The following PCDHGA2 variants were observed in gnomAD, a reference collection of about 807,000 sequenced individuals.
The protein encoded by PCDHGA2 is protocadherin gamma subfamily A, 2.
PCDHGA2 carries 40 observed loss-of-function variants against 59.2 expected under a neutral mutation model. That is an observed-to-expected ratio of 0.68 (90% CI 0.52 to 0.88). PCDHGA2 has a LOEUF of 0.88. Ranked by LOEUF, PCDHGA2 falls within the 40% of genes least tolerant of loss-of-function variation. The pLI is 0.00. For synonymous variants in PCDHGA2, 560 were observed against 526.0 expected (o/e 1.06, Z -0.89); for missense variants, 1,226 against 1,204.0 (o/e 1.02, Z -0.27).
intron 1 of PCDHGA2, among the ~76,000 whole-genome samples, chr5:141,467,296 A>T (rs1032802325): frequency 1.3e-5 from 2 of 151,740 alleles, no homozygotes; most frequent in South Asian, 4.2e-4. Flanking sequence ...CAAGTGATCC[A>T]CTCACCTCGG....
At chr5:141,449,021 C>T (rs897401758) in intron 1 of PCDHGA2, among the ~76,000 whole-genome samples, 3 of 152,104 alleles carry the variant, frequency 2.0e-5, no homozygotes, top group Non-Finnish European at 4.4e-5. Context: ...AGTTGCTTAG[C>T]ATTCCTTTGG....
Position 141,339,796 on chromosome 5 carries a change from T to C in PCDHGA2, c.825T>C (p.Ala275=). 18 of 1,614,128 alleles carry C rather than the reference T, an allele frequency of 1.1e-5. No individual in the cohort carries two copies. The highest frequency in any genetic ancestry group is 1.4e-5 in the Non-Finnish European group (17 of 1,180,020). ...TATDADEGYY[A]QVVYFLEKSP... ...CTGACGCAGATGAGGGCTACTACGC[T>C]CAAGTGGTATATTTTCTAGAGAAAA... The change falls in exon 1 of 4, where the codon GCT becomes GCC. Residue 275 remains alanine, a synonymous_variant. Coordinates refer to ENST00000394576, the MANE Select transcript of PCDHGA2 (RefSeq NM_018915.4).
intron 1 of PCDHGA2, among the ~76,000 whole-genome samples, chr5:141,347,255 G>A (rs1757941277): frequency 1.3e-5 from 2 of 151,576 alleles, no homozygotes; most frequent in African/African-American, 4.9e-5. Context: ...GCAGACTCAA[G>A]TGATCCTCCC....
At chr5:141,347,455 T>C (rs1561493886) in intron 1 of PCDHGA2, among the ~76,000 whole-genome samples, 1 of 152,040 alleles carries the variant, frequency 6.6e-6, no homozygotes, top group Admixed American at 6.6e-5. Flanking sequence ...ATGCCTGGCC[T>C]GTTATTCTTT....
At chr5:141,357,475 C>T in intron 1 of PCDHGA2, 2 of 1,614,236 alleles carry the variant, frequency 1.2e-6, no homozygotes, top group Non-Finnish European at 1.7e-6. Context: ...CGAGGTCTCC[C>T]TCACCGCGGA....
chr5:141,500,271 C>T (rs936454651), intron 2 of PCDHGA2, among the ~76,000 whole-genome samples: 3 of 151,598 alleles, frequency 2.0e-5, no homozygotes, highest in African/African-American at 7.3e-5. Flanking sequence ...TGCAGTGGCG[C>T]AATCTCGGCT....
At chr5:141,403,365 T>C in intron 1 of PCDHGA2, 1 of 1,614,024 alleles carries the variant, frequency 6.2e-7, no homozygotes, top group Non-Finnish European at 8.5e-7. Flanking sequence ...GCCGAAAGTC[T>C]GGAAGTAAAA....
intron 1 of PCDHGA2, chr5:141,399,287 C>A: frequency 6.2e-7 from 1 of 1,613,912 alleles, no homozygotes; most frequent in Non-Finnish European, 8.5e-7. Context: ...GGCGAAGTCC[C>A]TTTTAAGATT....
At chr5:141,413,065 T>A (rs2095601710) in intron 1 of PCDHGA2, 2 of 1,159,986 alleles carry the variant, frequency 1.7e-6, no homozygotes, top group African/African-American at 3.1e-5. Flanking sequence ...CTCCAGAATT[T>A]AAAGTGCCCA....
intron 1 of PCDHGA2, chr5:141,356,168 A>G: frequency 6.2e-7 from 1 of 1,613,078 alleles, no homozygotes; most frequent in Non-Finnish European, 8.5e-7. Context: ...GAAGCCCATG[A>G]TGGGCCTGGT....
chr5:141,357,514 C>T (rs563793307), intron 1 of PCDHGA2: 19 of 1,614,136 alleles, frequency 1.2e-5, no homozygotes, highest in Non-Finnish European at 1.6e-5. Flanking sequence ...GATCTTCTCC[C>T]AACCCAGCTA....
chr5:141,385,424 C>CT, intron 1 of PCDHGA2: 1 of 1,461,926 alleles, frequency 6.8e-7, no homozygotes, highest in Admixed American at 2.8e-5. Flanking sequence ...ATTTAAAAAA[C>CT]TTTATAGAGG....
chr5:141,347,188 G>GTCTTTCTTTCTTTCTTTCTTTCTT (rs1271118511), intron 1 of PCDHGA2, among the ~76,000 whole-genome samples: 1 of 41,068 alleles, frequency 2.4e-5, no homozygotes, highest in African/African-American at 2.1e-4. Context: ...TCTTGACAGG[G>GTCTTTCTTTCTTTCTTTCTTTCTT]TCTTACTCTG....
At chr5:141,345,371 T>C in intron 1 of PCDHGA2, 1 of 1,614,072 alleles carries the variant, frequency 6.2e-7, no homozygotes, top group Non-Finnish European at 8.5e-7. Flanking sequence ...TTGACATCAA[T>C]GACAACCCAC....
chr5:141,499,037 G>A (rs912832519), intron 2 of PCDHGA2, among the ~76,000 whole-genome samples: 1 of 150,904 alleles, frequency 6.6e-6, no homozygotes, highest in South Asian at 2.1e-4. Context: ...AGAAAAGAAA[G>A]AAAAAGGGAG....
At chr5:141,374,269 C>G in intron 1 of PCDHGA2, 2 of 1,614,002 alleles carry the variant, frequency 1.2e-6, no homozygotes. Context: ...TGGCGGAGCA[C>G]GGAGTCCGCA....
intron 1 of PCDHGA2, chr5:141,374,057 C>T (rs768326017): frequency 6.7e-7 from 1 of 1,486,570 alleles, no homozygotes; most frequent in Admixed American, 2.5e-5. Flanking sequence ...TCTTCTTAAT[C>T]CCAGAGAAGT....
intron 2 of PCDHGA2, among the ~76,000 whole-genome samples, chr5:141,497,126 C>T (rs565697662): frequency 8.2e-4 from 125 of 151,844 alleles, no homozygotes; most frequent in African/African-American, 3.0e-3. Flanking sequence ...GCAGAGGTTG[C>T]AGTGAGCTGA....
Position 141,392,895 on chromosome 5 carries a change from A to C in PCDHGA2, c.2424+51500A>C, listed in dbSNP as rs1213908930. ...GCTGGGAACGCTGTGGGAAATCGGG[A>C]GGGGACAGATTCGCTACTCTGTGCC... On this transcript the variant is annotated intron_variant, in intron 1 of 3. Transcript: ENST00000394576. 11 of 1,613,660 alleles carry C rather than the reference A, an allele frequency of 6.8e-6. No individual in the cohort carries two copies. The Admixed American group carries it at 1.8e-4, about 27-fold the overall frequency.
Sources: gnomAD v4.1 joint callset for allele counts (sites outside exome capture counted in the v4.1 genomes callset) on GRCh38, gnomAD v4.1.1 for gene constraint, MANE v1.5 for transcripts, NCBI Gene and HGNC (gene_info 2026-07-23, HGNC 2026-07-21) for gene names.